VASH2: variants seen among roughly 807,000 people sequenced by gnomAD.
The protein encoded by VASH2 is tubulinyl-Tyr carboxypeptidase 2.
A neutral mutation model predicts 37.2 loss-of-function variants in VASH2; 28 were observed. That is an observed-to-expected ratio of 0.75 (90% CI 0.56 to 1.03). The LOEUF (loss-of-function observed/expected upper bound fraction) is 1.03, where lower values mean the gene tolerates loss of function less well. Ranked by LOEUF, VASH2 falls within the 50% of genes least tolerant of loss-of-function variation. VASH2 has a pLI of 0.00. For missense variants in VASH2, 419 were observed against 459.1 expected, an observed-to-expected ratio of 0.91 and a Z score of 0.80; for synonymous variants, 188 against 174.7, an observed-to-expected ratio of 1.08 and a Z score of -0.60.
intron 7 of VASH2, among the ~76,000 whole-genome samples, chr1:212,987,098 C>T (rs1434726057): frequency 6.6e-6 from 1 of 152,148 alleles, no homozygotes; most frequent in Non-Finnish European, 1.5e-5. Flanking sequence ...ATGCCATTCA[C>T]TGAGCTGTGC....
At chr1:212,953,355 T>A (rs1246661425) in intron 2 of VASH2, among the ~76,000 whole-genome samples, 7 of 152,162 alleles carry the variant, frequency 4.6e-5, no homozygotes, top group Non-Finnish European at 8.8e-5. Flanking sequence ...AGCTTGCTGC[T>A]TCCCAGGGCA....
chr1:212,970,100 A>G (rs985408336), intron 5 of VASH2, among the ~76,000 whole-genome samples: 2 of 152,096 alleles, frequency 1.3e-5, no homozygotes, highest in Non-Finnish European at 2.9e-5. Flanking sequence ...TTTATTAAAG[A>G]AACAGGTTCA....
chr1:212,974,840 C>T (rs1299949956), intron 7 of VASH2: 1 of 152,288 alleles, frequency 6.6e-6, no homozygotes, highest in African/African-American at 2.4e-5. Flanking sequence ...TGAATCCCAA[C>T]TGTGCCACGT....
intron 7 of VASH2, among the ~76,000 whole-genome samples, chr1:212,984,412 G>C (rs143711618): frequency 6.6e-6 from 1 of 152,138 alleles, no homozygotes; most frequent in Admixed American, 6.5e-5. Flanking sequence ...AGGGATGAGC[G>C]GGTGGGCTTT....
intron 5 of VASH2, among the ~76,000 whole-genome samples, chr1:212,969,438 C>T (rs1033214326): frequency 5.3e-5 from 8 of 152,186 alleles, no homozygotes; most frequent in South Asian, 2.1e-4. Context: ...CCTCGTGATC[C>T]GCCCACCTCG....
intron 7 of VASH2, among the ~76,000 whole-genome samples, chr1:212,975,568 A>G (rs932407362): frequency 6.6e-6 from 1 of 152,140 alleles, no homozygotes; most frequent in Non-Finnish European, 1.5e-5. Context: ...CCCTTACCCT[A>G]TATCTCTCTC....
chr1:212,967,272 A>G, intron 5 of VASH2: 2 of 1,282,306 alleles, frequency 1.6e-6, no homozygotes, highest in East Asian at 1.1e-4. Context: ...CAATAGTCTC[A>G]TCCCTGCACA....
At chr1:212,972,442 G>C (rs1350279844) in intron 5 of VASH2, 138 bp from the exon 6 acceptor site, 1 of 981,234 alleles carries the variant, frequency 1.0e-6, no homozygotes, top group African/African-American at 1.6e-5. Context: ...AAAAGGATTA[G>C]TCTGGAAAAG....
At position 212,962,684 on chromosome 1, in the gene VASH2, C is replaced by T. The variant is rs60352617; in HGVS notation, c.365+1430C>T. Among the ~76,000 whole-genome samples the T allele has an allele frequency of 4.8e-3, 726 of 152,336 alleles. 6 individuals are homozygous for T. The highest frequency in any genetic ancestry group is 0.032 in the South Asian group (156 of 4,822). On this transcript the variant is annotated intron_variant, in intron 3 of 7. Transcript: ENST00000517399. ...GATTGGCTTCTCTGTTTTCACTTCA[C>T]GGATCATCAACTCCCCAACATGGCA...
At chr1:212,962,262 G>A (rs1341466375) in intron 3 of VASH2, among the ~76,000 whole-genome samples, 2 of 152,160 alleles carry the variant, frequency 1.3e-5, no homozygotes, top group African/African-American at 2.4e-5. Flanking sequence ...GGGCAGGAGC[G>A]GGTGGTCCAC....
In VASH2 at chr1:212,965,779, G is replaced by T; in HGVS notation, c.422+1G>T. 6.4e-7 allele frequency: 1 copy of T among 1,551,930 alleles called. No individual in the cohort carries two copies. The highest frequency in any genetic ancestry group is 8.7e-7 in the Non-Finnish European group (1 of 1,146,720). On this transcript the variant is annotated splice_donor_variant, in intron 4 of 7. Coordinates refer to ENST00000517399, the MANE Select transcript of VASH2 (RefSeq NM_001301056.2). LOFTEE classifies it high-confidence loss of function. ...TTAGGAAAATGAGACCGCTGAGTGG[G>T]TAAGTGGTGCATGATCTATGGGCCA...
chr1:212,986,844 A>G (rs1218204351), intron 7 of VASH2, among the ~76,000 whole-genome samples: 1 of 152,196 alleles, frequency 6.6e-6, no homozygotes, highest in African/African-American at 2.4e-5. Flanking sequence ...ACAAAGAAAT[A>G]AGAGGCATAA....
At chr1:212,955,900 C>T (rs552033626) in intron 2 of VASH2, among the ~76,000 whole-genome samples, 52 of 152,336 alleles carry the variant, frequency 3.4e-4, no homozygotes, top group Middle Eastern at 3.4e-3. Context: ...CTGTCCCAGG[C>T]CCTTCACAGG....
rs748810843 is a variant in VASH2 at position 212,988,537 on chromosome 1, G to A, written c.1021G>A (p.Ala341Thr). The A allele has an allele frequency of 1.2e-6, 2 of 1,614,098 alleles. No homozygotes were observed. The highest frequency in any genetic ancestry group is 3.3e-5 in the Admixed American group (2 of 60,014). ...GCCTGCACTGCCTGAAAAGAAGGTG[G>A]CTGATCTGAGCACTCTGAATGAAGT... Reference protein sequence around the residue: ...KSPALPEKKVADLSTLNEVGY... With the variant: ...KSPALPEKKVTDLSTLNEVGY... The change falls in exon 8 of 8, where the codon GCT becomes ACT. Residue 341 changes from alanine (A) to threonine (T), a missense_variant. Ala to Thr is a moderately conservative substitution (Grantham distance 58, BLOSUM62 0). Coordinates refer to ENST00000517399, the MANE Select transcript of VASH2 (RefSeq NM_001301056.2).
intron 7 of VASH2, among the ~76,000 whole-genome samples, chr1:212,988,044 A>G (rs1667533821): frequency 6.6e-6 from 1 of 152,206 alleles, no homozygotes; most frequent in Non-Finnish European, 1.5e-5. Flanking sequence ...TTATACATTC[A>G]AGCCTGAACA....
In VASH2 at chr1:212,958,114, G is replaced by A. The variant is rs568142941; in HGVS notation, c.277-3052G>A. Among the ~76,000 whole-genome samples, 3 of 152,316 alleles carry A rather than the reference G, an allele frequency of 2.0e-5. No individual in the cohort carries two copies. The East Asian group carries it at 5.8e-4, about 29-fold the overall frequency. On this transcript the variant is annotated intron_variant, in intron 2 of 7. Coordinates refer to ENST00000517399, the MANE Select transcript of VASH2 (RefSeq NM_001301056.2). ...AGAGCAGGGCTTTGGACCTGGTTGT[G>A]TGTGTCTCCTAATGACACTCCGGGA...
At chr1:212,964,930 T>G (rs560433524) in intron 3 of VASH2, among the ~76,000 whole-genome samples, 222 of 152,100 alleles carry the variant, frequency 1.5e-3, no homozygotes, top group Non-Finnish European at 2.6e-3. Context: ...AGGTTTTTTT[T>G]TTTTTTTTTA....
In VASH2 at chr1:212,981,634, TC is replaced by T. The variant is rs949974016; in HGVS notation, c.996-6875del. Among the ~76,000 whole-genome samples, 3 of 152,196 alleles carry T rather than the reference TC, an allele frequency of 2.0e-5. No individual in the cohort carries two copies. The East Asian group carries it at 5.8e-4, about 29-fold the overall frequency. On this transcript the variant is annotated intron_variant, in intron 7 of 7. Transcript: ENST00000517399. ...TTTACAGTGGCACTTTTCCCACACT[TC>T]CCTTCCTGGACTCCCGAGCCTGCAG...
chr1:212,988,511 G>C lies in VASH2; in HGVS notation c.996-1G>C. The C allele has an allele frequency of 6.2e-7, 1 of 1,613,990 alleles. No homozygotes were observed. The highest frequency in any genetic ancestry group is 1.1e-5 in the South Asian group (1 of 91,074). ...ACCATATTTCTGTCTTTTACCCTTA[G>C]GCCTGCACTGCCTGAAAAGAAGGTG... On this transcript the variant is annotated splice_acceptor_variant, in intron 7 of 7. Coordinates refer to ENST00000517399, the MANE Select transcript of VASH2 (RefSeq NM_001301056.2). LOFTEE classifies it high-confidence loss of function.
Sources: allele counts gnomAD v4.1 joint callset (sites outside exome capture counted in the v4.1 genomes callset), GRCh38; gene constraint gnomAD v4.1.1; transcripts MANE v1.5; gene names NCBI Gene and HGNC (gene_info 2026-07-23, HGNC 2026-07-21).